Variants in RBM6 observed in about 807,000 individuals in gnomAD.
The protein encoded by RBM6 is RNA binding motif protein 6, also known as RNA-binding protein 6.
In RBM6, 23 loss-of-function variants were observed where a neutral mutation model predicts 140.4. The ratio of observed to expected loss-of-function variants is 0.16; its 90% confidence interval spans 0.12 to 0.23. The LOEUF (loss-of-function observed/expected upper bound fraction) is 0.23, where lower values mean the gene tolerates loss of function less well. Among genes scored for constraint, RBM6 ranks in the 10% least tolerant of loss-of-function variants. The pLI, the probability that RBM6 is intolerant of heterozygous loss-of-function variation, is 1.00. For missense variants in RBM6, 1,139 were observed against 1,386.7 expected (o/e 0.82, Z 2.84); for synonymous variants, 439 against 475.6 (o/e 0.92, Z 1.00).
chr3:49,957,009 G>T (rs138736131), intron 1 of RBM6, among the ~76,000 whole-genome samples: 7,502 of 152,074 alleles, frequency 0.049, 262 homozygotes, highest in South Asian at 0.1. Context: ...AAGAGGGAGG[G>T]TCTTGCTGTG....
intron 6 of RBM6, among the ~76,000 whole-genome samples, chr3:50,038,039 C>G (rs991035244): frequency 6.6e-6 from 1 of 152,040 alleles, no homozygotes; most frequent in Non-Finnish European, 1.5e-5. Context: ...CCAGGCTGGT[C>G]TTGAACTCCT....
intron 5 of RBM6, among the ~76,000 whole-genome samples, chr3:49,991,725 T>C (rs1269246039): frequency 1.3e-5 from 2 of 152,090 alleles, no homozygotes; most frequent in African/African-American, 2.4e-5. Flanking sequence ...GTTTAACCCA[T>C]CTCTGCTGTA....
intron 6 of RBM6, among the ~76,000 whole-genome samples, chr3:50,012,951 C>T (rs909943964): frequency 6.6e-6 from 1 of 151,314 alleles, no homozygotes; most frequent in African/African-American, 2.4e-5. Flanking sequence ...CCATGTTGGT[C>T]AGGCTGGTAT....
Position 49,968,347 on chromosome 3 carries a change from A to G in RBM6, c.922A>G (p.Met308Val). The G allele has an allele frequency of 1.2e-6, 2 of 1,614,228 alleles. No individual in the cohort carries two copies. Among genetic ancestry groups the G allele is most frequent in the Non-Finnish European group, 1.7e-6 (2 of 1,180,030 alleles). Residue 308 changes from methionine (M) to valine (V), a missense_variant, in exon 3 of 21, where the codon ATG (methionine) becomes GTG (valine). Coordinates refer to ENST00000266022, the MANE Select transcript of RBM6 (RefSeq NM_005777.3). ...PSTQDREHSG[M>V]NVNRREESTH... is the part of the protein sequence containing the mutation. ...TACACAAGATAGAGAACATTCTGGT[A>G]TGAATGTGAACAGGAGAGAAGAATC... is the stretch of plus-strand genomic sequence containing the variant.
At chr3:50,040,507 C>CACACACACACGTGTGTATATATAT (rs2088848477) in intron 6 of RBM6, among the ~76,000 whole-genome samples, 1 of 141,110 alleles carries the variant, frequency 7.1e-6, no homozygotes, top group Non-Finnish European at 1.5e-5. Flanking sequence ...CACACACACA[C>CACACACACACGTGTGTATATATAT]ACACACACAC....
At chr3:49,981,501 A>G (rs1449180922) in intron 5 of RBM6, 1 of 152,218 alleles carries the variant, frequency 6.6e-6, no homozygotes, top group African/African-American at 2.4e-5. Flanking sequence ...TTTATTCTAG[A>G]ACTTTTGTAT....
At chr3:50,063,494 T>C (rs756723213) in intron 15 of RBM6, among the ~76,000 whole-genome samples, 2 of 151,918 alleles carry the variant, frequency 1.3e-5, no homozygotes, top group South Asian at 2.1e-4. Flanking sequence ...TCCAAGCTAC[T>C]TGGGAGACTG....
intron 5 of RBM6, among the ~76,000 whole-genome samples, chr3:49,989,745 T>G (rs1229692204): frequency 2.6e-5 from 4 of 152,088 alleles, no homozygotes; most frequent in Admixed American, 2.6e-4. Context: ...TTATTTTATT[T>G]TATTTATTTA....
intron 6 of RBM6, among the ~76,000 whole-genome samples, chr3:50,002,272 T>C (rs2086374973): frequency 6.6e-6 from 1 of 150,936 alleles, no homozygotes; most frequent in Non-Finnish European, 1.5e-5. Flanking sequence ...TTCTTTTTTT[T>C]TTTTTTTGAG....
At chr3:49,981,873 C>G (rs1014764688) in intron 5 of RBM6, among the ~76,000 whole-genome samples, 7 of 152,118 alleles carry the variant, frequency 4.6e-5, no homozygotes, top group African/African-American at 1.7e-4. Context: ...TATAAGCTTG[C>G]TGTGATATTT....
At chr3:49,958,080 G>A (rs548500725) in intron 1 of RBM6, among the ~76,000 whole-genome samples, 7 of 152,128 alleles carry the variant, frequency 4.6e-5, no homozygotes, top group Non-Finnish European at 8.8e-5. Context: ...GTGAGCCACC[G>A]CACCTGGCCG....
At chr3:49,985,614 A>ATTTTTT (rs1198164329) in intron 5 of RBM6, among the ~76,000 whole-genome samples, 3 of 151,862 alleles carry the variant, frequency 2.0e-5, no homozygotes, top group Non-Finnish European at 4.4e-5. Flanking sequence ...TTTTATTTTT[A>ATTTTTT]TTTTTATTTT....
At chr3:49,996,195 T>A (rs969260530) in intron 5 of RBM6, among the ~76,000 whole-genome samples, 8 of 152,326 alleles carry the variant, frequency 5.3e-5, no homozygotes, top group African/African-American at 1.9e-4. Flanking sequence ...TATATTTTCA[T>A]ACCTTATGGC....
rs1575864381 is a variant in RBM6 at position 50,065,701 on chromosome 3, ATTAT to A, written c.2683-537_2683-534del. On this transcript the variant is annotated intron_variant, in intron 16 of 20. Transcript: ENST00000266022. ...GATCATAGACCAATGATTATGCATC[ATTAT>A]TTAACAGTTCTTATAAGGTACCCTT... 3 of 452,792 alleles carry A rather than the reference ATTAT, an allele frequency of 6.6e-6. No homozygotes were observed. The East Asian group carries it at 2.1e-4, about 32-fold the overall frequency. The allele number at this position is 452,792 out of a possible 1,614,324, so 28.0% of individuals were successfully genotyped here. A position where few individuals can be genotyped will look rare whatever the true frequency, so the allele number is the denominator to read the frequency against.
intron 5 of RBM6, among the ~76,000 whole-genome samples, chr3:49,989,910 C>T (rs1249979157): frequency 6.6e-6 from 1 of 152,020 alleles, no homozygotes; most frequent in Non-Finnish European, 1.5e-5. Context: ...CCACGCCTGG[C>T]TGATTTTTGT....
chr3:49,992,344 C>G (rs1044379232), intron 5 of RBM6, among the ~76,000 whole-genome samples: 7 of 152,060 alleles, frequency 4.6e-5, no homozygotes, highest in African/African-American at 9.7e-5. Context: ...GTTTTTCTTC[C>G]TAGTCAAAAT....
At chr3:49,951,565 T>C (rs2108585528) in intron 1 of RBM6, among the ~76,000 whole-genome samples, 1 of 151,284 alleles carries the variant, frequency 6.6e-6, no homozygotes, top group African/African-American at 2.4e-5. Flanking sequence ...TTATTATTTA[T>C]TTATTTATTT....
chr3:50,070,589 G>A (rs751530108), intron 19 of RBM6, 37 bp downstream of exon 19: 1 of 1,488,696 alleles, frequency 6.7e-7, no homozygotes, highest in Non-Finnish European at 9.4e-7. Context: ...TAGGCCTCAA[G>A]CCTAATGATA....
At chr3:49,980,257 G>C (rs1472021946) in intron 5 of RBM6, among the ~76,000 whole-genome samples, 1 of 151,730 alleles carries the variant, frequency 6.6e-6, no homozygotes, top group African/African-American at 2.4e-5. Flanking sequence ...TGCCCACCTT[G>C]GCCTCCCAAA....
Sources: gnomAD v4.1 joint callset for allele counts (sites outside exome capture counted in the v4.1 genomes callset) on GRCh38, gnomAD v4.1.1 for gene constraint, MANE v1.5 for transcripts, NCBI Gene and HGNC (gene_info 2026-07-23, HGNC 2026-07-21) for gene names.